Variants in MMP8 observed in about 807,000 individuals in gnomAD.
The protein encoded by MMP8 is neutrophil collagenase.
A neutral mutation model predicts 51.2 loss-of-function variants in MMP8; 67 were observed. The ratio of observed to expected loss-of-function variants is 1.31; its 90% CI spans 1.08 to 1.60. The LOEUF (loss-of-function observed/expected upper bound fraction) is 1.60, where lower values mean the gene tolerates loss of function less well. MMP8 is among the 40% of genes most tolerant of loss of function. The pLI, the probability that MMP8 is intolerant of heterozygous loss-of-function variation, is 0.00. For synonymous variants in MMP8, 225 were observed against 191.0 expected (o/e 1.18, Z -1.47); for missense variants, 654 against 558.1 (o/e 1.17, Z -1.73).
chr11:102,720,175 T>C (rs1193817842), intron 4 of MMP8, among the ~76,000 whole-genome samples: 2 of 152,218 alleles, frequency 1.3e-5, no homozygotes, highest in African/African-American at 2.4e-5. Context: ...GAGCCTTCAA[T>C]ACCAAGTGGA....
intron 4 of MMP8, among the ~76,000 whole-genome samples, chr11:102,719,051 T>C (rs1428581724): frequency 6.6e-6 from 1 of 152,166 alleles, no homozygotes; most frequent in African/African-American, 2.4e-5. Flanking sequence ...GTTGGCTCCC[T>C]CATCACCCAC....
intron 7 of MMP8, among the ~76,000 whole-genome samples, chr11:102,714,951 T>C (rs1367862818): frequency 1.3e-5 from 2 of 151,888 alleles, no homozygotes; most frequent in Non-Finnish European, 2.9e-5. Flanking sequence ...GAGCAAGACA[T>C]TCAAGGCCCC....
At chr11:102,714,236 C>T (rs1861213645) in intron 8 of MMP8, among the ~76,000 whole-genome samples, 1 of 152,172 alleles carries the variant, frequency 6.6e-6, no homozygotes, top group Admixed American at 6.5e-5. Context: ...ATAACATTTG[C>T]TTGCATATGT....
At chr11:102,718,167 C>T (rs559845573) in intron 5 of MMP8, among the ~76,000 whole-genome samples, 1 of 151,988 alleles carries the variant, frequency 6.6e-6, no homozygotes, top group East Asian at 1.9e-4. Context: ...GAAAAAAATC[C>T]CCACCATCCA....
At chr11:102,715,496 T>A in intron 6 of MMP8, 59 bp from the exon 7 acceptor site, 1 of 1,553,252 alleles carries the variant, frequency 6.4e-7, no homozygotes, top group Non-Finnish European at 8.7e-7. Flanking sequence ...AAGTAGGCAG[T>A]TCCTGTGACT....
rs1317540021 is a variant in MMP8 at position 102,715,417 on chromosome 11, G to C, written c.923C>G (p.Pro308Arg). ...ATTCATTTCGACTCTTTGTAGCTGA[G>C]GATGCCTTCTCCAGAAGTACCTAAC... ...FKDRYFWRRH[P>R]QLQRVEMNFI... is the part of the protein sequence containing the mutation. The change falls in exon 7 of 10, where the codon CCT (proline) becomes CGT (arginine). Residue 308 changes from proline to arginine, a missense_variant. Transcript: ENST00000236826. 1.2e-6 allele frequency: 2 copies of C among 1,613,262 alleles called. No homozygotes were observed. Among genetic ancestry groups the C allele is most frequent in the African/African-American group, 2.7e-5 (2 of 74,854 alleles).
chr11:102,718,108 C>A (rs1048314927), intron 5 of MMP8, among the ~76,000 whole-genome samples: 4 of 150,888 alleles, frequency 2.7e-5, no homozygotes, highest in African/African-American at 9.8e-5. Flanking sequence ...CTCCATCCCC[C>A]CCCCCAAAAA....
chr11:102,717,211 T>C (rs1861324347), intron 5 of MMP8, among the ~76,000 whole-genome samples: 2 of 152,152 alleles, frequency 1.3e-5, no homozygotes, highest in South Asian at 4.1e-4. Flanking sequence ...TAGAGAGCAG[T>C]AAATCCCTTA....
At chr11:102,718,872 T>C (rs1861387020) in intron 4 of MMP8, among the ~76,000 whole-genome samples, 1 of 152,184 alleles carries the variant, frequency 6.6e-6, no homozygotes, top group South Asian at 2.1e-4. Context: ...CTTGGAGAAG[T>C]AATGGCAGAG....
intron 4 of MMP8, among the ~76,000 whole-genome samples, chr11:102,720,393 A>G (rs1346578049): frequency 6.6e-6 from 1 of 152,164 alleles, no homozygotes; most frequent in Non-Finnish European, 1.5e-5. Context: ...ACTAGTGAGG[A>G]GGGCAACAGG....
Position 102,713,204 on chromosome 11 carries a change from C to G in MMP8, c.*144G>C, listed in dbSNP as rs545394285. On this transcript the variant is annotated 3_prime_UTR_variant, in exon 10 of 10. Coordinates refer to ENST00000236826, the MANE Select transcript of MMP8 (RefSeq NM_002424.3). Reference sequence around the variant, plus strand: ...GTGGAATATTCCAAACATATTTTCACGGAGGACAGGTAGAATGGATACAGT... The same window carrying G: ...GTGGAATATTCCAAACATATTTTCAGGGAGGACAGGTAGAATGGATACAGT... 2.0e-5 allele frequency: 12 copies of G among 600,444 alleles called. No homozygotes were observed. In the East Asian group the frequency reaches 3.1e-4, roughly 16 times the overall value. 37.2% of individuals were successfully genotyped at this position (600,444 alleles called of 1,614,324 possible).
Position 102,712,067 on chromosome 11 carries a change from C to G in MMP8, c.*1281G>C, listed in dbSNP as rs1182332286. 6.6e-6 allele frequency: 1 copy of G among 152,114 alleles called. No individual in the cohort carries two copies. Among genetic ancestry groups the G allele is most frequent in the Non-Finnish European group, 1.5e-5 (1 of 68,010 alleles). 9.4% of individuals were successfully genotyped at this position (152,114 alleles called of 1,614,324 possible). On this transcript the variant is annotated 3_prime_UTR_variant, in exon 10 of 10. Coordinates refer to ENST00000236826, the MANE Select transcript of MMP8 (RefSeq NM_002424.3). The stretch of plus-strand genomic sequence containing the variant: ...GTCCCATAAATCCTATAGTTCTTAA[C>G]AAAAAAACCCATCCGTTAGCAAACT...
rs1355904082 is a variant in MMP8 at position 102,722,579 on chromosome 11, A to G, written c.197T>C (p.Met66Thr). The G allele has an allele frequency of 6.2e-7, 1 of 1,613,808 alleles. No homozygotes were observed. Among genetic ancestry groups the G allele is most frequent in the Non-Finnish European group, 8.5e-7 (1 of 1,179,868 alleles). The change falls in exon 2 of 10, where the codon ATG becomes ACG. Residue 66 changes from methionine to threonine, a missense_variant. Met to Thr is a moderately conservative substitution (Grantham distance 81). Coordinates refer to ENST00000236826, the MANE Select transcript of MMP8 (RefSeq NM_002424.3). ...TNVIVEKLKE[M>T]QRFFGLNVTG... ...CACATTCAACCCAAAAAATCGCTGC[A>G]TTTCTTTAAGCTTTTCAACGATCAC...
intron 4 of MMP8, among the ~76,000 whole-genome samples, chr11:102,719,404 C>T (rs1861404474): frequency 6.7e-6 from 1 of 149,098 alleles, no homozygotes; most frequent in Non-Finnish European, 1.5e-5. Context: ...TAAAAAAAGC[C>T]ATAATTGTAG....
At chr11:102,713,675 G>C in intron 9 of MMP8, 79 bp downstream of exon 9, 1 of 1,260,332 alleles carries the variant, frequency 7.9e-7, no homozygotes, top group Non-Finnish European at 1.1e-6. Flanking sequence ...ACACTAACCT[G>C]GTCAGCATAG....
chr11:102,713,594 G>A (rs888735890), intron 9 of MMP8, 137 bp from the exon 10 acceptor site: 20 of 981,286 alleles, frequency 2.0e-5, no homozygotes, highest in East Asian at 7.7e-5. Context: ...CACCAGGTGC[G>A]GTGGCTAATG....
chr11:102,714,908 G>T (rs192014879), intron 7 of MMP8, among the ~76,000 whole-genome samples, 199 bp from the exon 8 acceptor site: 10 of 151,180 alleles, frequency 6.6e-5, no homozygotes, highest in Admixed American at 2.0e-4. Flanking sequence ...AGCCTTAATG[G>T]TTCCCCAGAG....
In MMP8 at chr11:102,723,038, T is replaced by C. The variant is rs1293186280; in HGVS notation, c.103-365A>G. 6.2e-6 allele frequency: 8 copies of C among 1,293,084 alleles called. No homozygotes were observed. In the Admixed American group the frequency reaches 1.4e-4, roughly 22 times the overall value. 80.1% of individuals were successfully genotyped at this position (1,293,084 alleles called of 1,614,324 possible). On this transcript the variant is annotated intron_variant, in intron 1 of 9. Transcript: ENST00000236826. ...ATTTGTTGCATCAGTGCAGTTCCTC[T>C]TTTTTATCCTCTTCACTACTGTAGA...
rs535272115 is a variant in MMP8 at position 102,716,191 on chromosome 11, G to T, written c.902+111C>A. 13 of 760,388 alleles carry T rather than the reference G, an allele frequency of 1.7e-5. No homozygotes were observed. In the African/African-American group the frequency reaches 2.0e-4, roughly 11 times the overall value. 47.1% of individuals were successfully genotyped at this position (760,388 alleles called of 1,614,324 possible). On this transcript the variant is annotated intron_variant, in intron 6 of 9. Transcript: ENST00000236826. ...AACCTATAAAAAATTCCGATGAGAAGCACAAGTATAGAATTCAAGGAAAAG... is the reference window on the plus strand; with the variant it reads ...AACCTATAAAAAATTCCGATGAGAATCACAAGTATAGAATTCAAGGAAAAG...
Sources: allele counts gnomAD v4.1 joint callset (sites outside exome capture counted in the v4.1 genomes callset), GRCh38; gene constraint gnomAD v4.1.1; transcripts MANE v1.5; gene names NCBI Gene and HGNC (gene_info 2026-07-23, HGNC 2026-07-21).